The following OPCML variants were observed in gnomAD, a reference collection of about 807,000 sequenced individuals.
OPCML encodes opioid-binding protein/cell adhesion molecule.
In OPCML, 13 loss-of-function variants were observed where a neutral mutation model predicts 37.8. That is an observed-to-expected ratio of 0.34 (90% confidence interval 0.22 to 0.55). The LOEUF is 0.55. OPCML is among the 20% of genes least tolerant of loss of function. OPCML has a pLI of 0.91. For synonymous variants in OPCML, 176 were observed against 168.8 expected, an observed-to-expected ratio of 1.04 and a Z score of -0.33; for missense variants, 341 against 435.6, an observed-to-expected ratio of 0.78 and a Z score of 1.93.
At chr11:132,831,259 T>C (rs770377635) in intron 2 of OPCML, among the ~76,000 whole-genome samples, 4 of 152,180 alleles carry the variant, frequency 2.6e-5, no homozygotes, top group Non-Finnish European at 2.9e-5. Context: ...TGAACAGAAG[T>C]CCAAACTCCA....
intron 1 of OPCML, among the ~76,000 whole-genome samples, chr11:133,436,804 A>T (rs1264744238): frequency 6.6e-6 from 1 of 152,160 alleles, no homozygotes; most frequent in Non-Finnish European, 1.5e-5. Context: ...CAAGGGTAAT[A>T]CTTTATGTGA....
intron 1 of OPCML, among the ~76,000 whole-genome samples, chr11:133,045,455 G>A (rs1036875943): frequency 6.6e-6 from 1 of 152,176 alleles, no homozygotes; most frequent in African/African-American, 2.4e-5. Context: ...AAGGTATCTG[G>A]CTTCTGGACA....
intron 2 of OPCML, among the ~76,000 whole-genome samples, chr11:132,933,109 G>A (rs962512949): frequency 2.0e-5 from 3 of 152,168 alleles, no homozygotes; most frequent in Non-Finnish European, 2.9e-5. Context: ...CACAGGTACA[G>A]CGGGAGGCAT....
intron 1 of OPCML, among the ~76,000 whole-genome samples, chr11:132,953,876 TG>T (rs756954446): frequency 1.4e-4 from 21 of 152,208 alleles, no homozygotes; most frequent in Non-Finnish European, 2.4e-4. Flanking sequence ...ACGAGCAAAA[TG>T]TATGTAAGGT....
chr11:133,456,031 G>T (rs1946665656), intron 1 of OPCML, among the ~76,000 whole-genome samples: 1 of 152,146 alleles, frequency 6.6e-6, no homozygotes, highest in African/African-American at 2.4e-5. Context: ...TGTCGTGTCT[G>T]ACTTGGAGCT....
At chr11:132,606,963 G>A (rs1357871981) in intron 3 of OPCML, among the ~76,000 whole-genome samples, 2 of 152,208 alleles carry the variant, frequency 1.3e-5, no homozygotes, top group South Asian at 4.2e-4. Flanking sequence ...CTGTCTGTTA[G>A]GTTTCAGTTC....
At chr11:132,863,743 A>G (rs1242645009) in intron 2 of OPCML, among the ~76,000 whole-genome samples, 1 of 152,090 alleles carries the variant, frequency 6.6e-6, no homozygotes, top group Non-Finnish European at 1.5e-5. Context: ...CCCAGAAGGG[A>G]GGGACGCTGC....
chr11:133,080,141 A>C (rs920332355), intron 1 of OPCML, among the ~76,000 whole-genome samples: 1 of 152,148 alleles, frequency 6.6e-6, no homozygotes, highest in African/African-American at 2.4e-5. Flanking sequence ...TGGCCAATCC[A>C]CAAGAGCTAC....
chr11:133,343,763 G>A (rs1943930973), intron 1 of OPCML, among the ~76,000 whole-genome samples: 1 of 152,128 alleles, frequency 6.6e-6, no homozygotes, highest in Non-Finnish European at 1.5e-5. Context: ...TGGGAAAAAA[G>A]AGGCCTGACA....
intron 3 of OPCML, among the ~76,000 whole-genome samples, chr11:132,589,393 T>C (rs73041741): frequency 0.024 from 3,659 of 152,296 alleles, 113 homozygotes; most frequent in East Asian, 0.055. Context: ...CTGTTTATTT[T>C]GTGCCAAATA....
intron 3 of OPCML, among the ~76,000 whole-genome samples, chr11:132,617,079 T>G (rs1050349731): frequency 6.6e-6 from 1 of 152,256 alleles, no homozygotes; most frequent in Non-Finnish European, 1.5e-5. Context: ...GATCAATGGC[T>G]GAAGTAGTCT....
At chr11:132,696,048 C>T (rs1591742632) in intron 2 of OPCML, among the ~76,000 whole-genome samples, 1 of 152,168 alleles carries the variant, frequency 6.6e-6, no homozygotes, top group Non-Finnish European at 1.5e-5. Flanking sequence ...GCACACAAAA[C>T]ACAGACAGCC....
chr11:133,094,544 C>T (rs1206033290), intron 1 of OPCML, among the ~76,000 whole-genome samples: 2 of 152,224 alleles, frequency 1.3e-5, no homozygotes, highest in Non-Finnish European at 2.9e-5. Flanking sequence ...TTTTTACAAA[C>T]AAAAATTTGC....
At chr11:132,785,995 T>C (rs1947197418) in intron 2 of OPCML, among the ~76,000 whole-genome samples, 1 of 152,226 alleles carries the variant, frequency 6.6e-6, no homozygotes, top group African/African-American at 2.4e-5. Flanking sequence ...GGCAGCCTGC[T>C]GATGTGGACA....
intron 4 of OPCML, among the ~76,000 whole-genome samples, chr11:132,451,938 C>T (rs1277249179): frequency 2.0e-5 from 3 of 152,198 alleles, no homozygotes; most frequent in Non-Finnish European, 2.9e-5. Context: ...ACTCTGCCCT[C>T]ACTGGATTTC....
chr11:132,804,554 G>A lies in OPCML; in HGVS notation c.146+138372C>T, dbSNP rs552591868. ...GGAAAATGCAGTGCCTGGAGATTTT[G>A]AAATTTAGGCCCCGCTAGAATGATG... On this transcript the variant is annotated intron_variant, in intron 2 of 7. Transcript: ENST00000524381. Among the ~76,000 whole-genome samples, 64 of 152,292 alleles carry A rather than the reference G, an allele frequency of 4.2e-4. 1 individual carries two copies. Among genetic ancestry groups the A allele is most frequent in the Middle Eastern group, 3.4e-3 (1 of 294 alleles).
At chr11:132,969,709 A>AT in intron 1 of OPCML, among the ~76,000 whole-genome samples, 1 of 151,982 alleles carries the variant, frequency 6.6e-6, no homozygotes, top group African/African-American at 2.4e-5. Context: ...CCCTCTCATA[A>AT]TTTTTTTAAA....
intron 1 of OPCML, among the ~76,000 whole-genome samples, chr11:133,120,428 C>T (rs934623216): frequency 6.6e-6 from 1 of 152,188 alleles, no homozygotes; most frequent in African/African-American, 2.4e-5. Flanking sequence ...TGGAAACATA[C>T]AAGAGCTAAG....
intron 1 of OPCML, among the ~76,000 whole-genome samples, chr11:133,411,652 T>A (rs745400524): frequency 7.2e-5 from 11 of 152,076 alleles, no homozygotes; most frequent in Non-Finnish European, 1.6e-4. Flanking sequence ...CATGTTCCTC[T>A]CACAACACAC....
Sources: gnomAD v4.1 joint callset for allele counts (sites outside exome capture counted in the v4.1 genomes callset) on GRCh38, gnomAD v4.1.1 for gene constraint, MANE v1.5 for transcripts, NCBI Gene and HGNC (gene_info 2026-07-23, HGNC 2026-07-21) for gene names.